CRKL: variants seen among roughly 807,000 people sequenced by gnomAD.
CRKL encodes the protein crk-like protein.
A neutral mutation model predicts 23.0 loss-of-function variants in CRKL; 3 were observed. The observed-to-expected ratio is 0.13, with a 90% confidence interval of 0.06 to 0.34. The LOEUF is 0.34. Among genes scored for constraint, CRKL ranks in the 10% least tolerant of loss-of-function variants. The pLI, the probability that CRKL is intolerant of heterozygous loss-of-function variation, is 1.00. For synonymous variants in CRKL, 188 were observed against 160.7 expected, an observed-to-expected ratio of 1.17 and a Z score of -1.28; for missense variants, 256 against 394.5, an observed-to-expected ratio of 0.65 and a Z score of 2.97.
In CRKL at chr22:20,917,897, C is replaced by T. The variant is rs1466780008; in HGVS notation, c.-38C>T. The T allele has an allele frequency of 3.8e-6, 6 of 1,590,988 alleles. No individual in the cohort carries two copies. The South Asian group carries it at 5.7e-5, about 15-fold the overall frequency. On this transcript the variant is annotated 5_prime_UTR_variant, in exon 1 of 3. Coordinates refer to ENST00000354336, the MANE Select transcript of CRKL (RefSeq NM_005207.4). ...GGCGTGCAGAGCAGGCGAGGACAGCCGCCGCCCCTACCGCCGCAGAGTCCC... is the reference window on the plus strand; with the variant it reads ...GGCGTGCAGAGCAGGCGAGGACAGCTGCCGCCCCTACCGCCGCAGAGTCCC...
chr22:20,917,831 G>A lies in CRKL; in HGVS notation c.-104G>A. 8.7e-7 allele frequency: 1 copy of A among 1,145,580 alleles called. No homozygotes were observed. Among genetic ancestry groups the A allele is most frequent in the Non-Finnish European group, 1.2e-6 (1 of 818,802 alleles). 71.0% of individuals were successfully genotyped at this position (1,145,580 alleles called of 1,614,324 possible). ...CCTCTGAGCGCTCCTCGAGGTGTGCGAGAGGCCCTTCCTCGGCCCCAAAGC... is the reference window on the plus strand; with the variant it reads ...CCTCTGAGCGCTCCTCGAGGTGTGCAAGAGGCCCTTCCTCGGCCCCAAAGC... On this transcript the variant is annotated 5_prime_UTR_variant, in exon 1 of 3. Coordinates refer to ENST00000354336, the MANE Select transcript of CRKL (RefSeq NM_005207.4).
At chr22:20,948,195 G>A (rs1314747423) in intron 2 of CRKL, among the ~76,000 whole-genome samples, 2 of 152,232 alleles carry the variant, frequency 1.3e-5, no homozygotes, top group Non-Finnish European at 2.9e-5. Context: ...GGCGTGAGGT[G>A]TGAGTGTTCT....
In CRKL at chr22:20,952,098, GA is replaced by G; in HGVS notation, c.*2254del. On this transcript the variant is annotated 3_prime_UTR_variant, in exon 3 of 3. Transcript: ENST00000354336. ...TTCATCCCGGCCCATGTTGAGCCATGAGTGGAGTTTCCAACAGAGGGAGGAA... is the reference window on the plus strand; with the variant it reads ...TTCATCCCGGCCCATGTTGAGCCATGGTGGAGTTTCCAACAGAGGGAGGAA... 8.8e-6 allele frequency: 2 copies of G among 226,854 alleles called. No homozygotes were observed. Among genetic ancestry groups the G allele is most frequent in the Non-Finnish European group, 8.7e-6 (1 of 115,016 alleles). 14.1% of individuals were successfully genotyped at this position (226,854 alleles called of 1,614,324 possible).
At position 20,934,182 on chromosome 22, in the gene CRKL, T is replaced by C. The variant is rs1469767752; in HGVS notation, c.715T>C (p.Phe239Leu). ...GCCATCCACACAGAATGGACCTGTC[T>C]TTGCGAAAGCAATCCAGAAAAGAGT... Reference protein sequence around the residue: ...PLPSTQNGPVFAKAIQKRVPC... With the variant: ...PLPSTQNGPVLAKAIQKRVPC... The change falls in exon 2 of 3, where the codon TTT becomes CTT. Residue 239 changes from phenylalanine (F) to leucine (L), a missense_variant. Physicochemically the swap from Phe to Leu is conservative, Grantham distance 22. This residue lies in a region of CRKL where 129 missense variants were observed against 222.1 expected (regional missense o/e 0.58). Coordinates refer to ENST00000354336, the MANE Select transcript of CRKL (RefSeq NM_005207.4). The C allele has an allele frequency of 1.2e-6, 2 of 1,614,122 alleles. No individual in the cohort carries two copies. The highest frequency in any genetic ancestry group is 2.7e-5 in the African/African-American group (2 of 74,948).
intron 1 of CRKL, among the ~76,000 whole-genome samples, chr22:20,921,943 A>T (rs1921008262): frequency 6.9e-6 from 1 of 145,490 alleles, no homozygotes; most frequent in African/African-American, 2.5e-5. Context: ...CTCCTAACCT[A>T]GTGATCCGCC....
intron 2 of CRKL, among the ~76,000 whole-genome samples, chr22:20,936,520 T>C (rs1921665779): frequency 6.6e-6 from 1 of 151,882 alleles, no homozygotes. Context: ...GGCTAATTTT[T>C]TTGTATTTTT....
At chr22:20,942,957 A>G (rs1475388933) in intron 2 of CRKL, among the ~76,000 whole-genome samples, 2 of 152,226 alleles carry the variant, frequency 1.3e-5, no homozygotes, top group Non-Finnish European at 2.9e-5. Flanking sequence ...TAGCAGCTGT[A>G]CCATATTCCA....
At chr22:20,936,001 A>T in intron 2 of CRKL, among the ~76,000 whole-genome samples, 1 of 152,188 alleles carries the variant, frequency 6.6e-6, no homozygotes, top group East Asian at 1.9e-4. Context: ...CTACCAAAAA[A>T]TACAAAAATG....
intron 1 of CRKL, among the ~76,000 whole-genome samples, chr22:20,924,727 T>C (rs1022722441): frequency 6.6e-6 from 1 of 152,016 alleles, no homozygotes; most frequent in Non-Finnish European, 1.5e-5. Flanking sequence ...TGGCGGCGTG[T>C]GCCTAAGAGG....
chr22:20,950,390 GT>G lies in CRKL; in HGVS notation c.*554del, dbSNP rs904188858. ...ACTAATTAATTAGACTTGTGTGGGG[GT>G]TTTTTTTTGTTTTGTTTTGTTTGTT... On this transcript the variant is annotated 3_prime_UTR_variant, in exon 3 of 3. Transcript: ENST00000354336. 1.3e-5 allele frequency: 3 copies of G among 230,420 alleles called. No individual in the cohort carries two copies. Among genetic ancestry groups the G allele is most frequent in the Non-Finnish European group, 2.6e-5 (3 of 116,816 alleles). 14.3% of individuals were successfully genotyped at this position (230,420 alleles called of 1,614,324 possible).
At chr22:20,934,957 G>GCACCCGCCAC (rs1921595427) in intron 2 of CRKL, among the ~76,000 whole-genome samples, 1 of 150,558 alleles carries the variant, frequency 6.6e-6, no homozygotes, top group Non-Finnish European at 1.5e-5. Context: ...GGAACGACAG[G>GCACCCGCCAC]CACCCGCCAC....
rs1292523311 is a variant in CRKL at position 20,951,128 on chromosome 22, G to A, written c.*1283G>A. 1.7e-5 allele frequency: 4 copies of A among 232,236 alleles called. No individual in the cohort carries two copies. Among genetic ancestry groups the A allele is most frequent in the Non-Finnish European group, 2.6e-5 (3 of 117,538 alleles). 14.4% of individuals were successfully genotyped at this position (232,236 alleles called of 1,614,324 possible). ...CAGACTTAAACTTCCTTAAAAAGTG[G>A]CGTTGTTCATAGAATCGTTGGACTC... On this transcript the variant is annotated 3_prime_UTR_variant, in exon 3 of 3. Coordinates refer to ENST00000354336, the MANE Select transcript of CRKL (RefSeq NM_005207.4).
intron 2 of CRKL, among the ~76,000 whole-genome samples, chr22:20,938,962 T>C (rs983191511): frequency 2.6e-5 from 4 of 152,166 alleles, no homozygotes; most frequent in Non-Finnish European, 5.9e-5. Flanking sequence ...CAAGTGAGAC[T>C]TAAAGTGATT....
intron 2 of CRKL, among the ~76,000 whole-genome samples, chr22:20,941,588 A>ATATATATATATTTT (rs1247116681): frequency 6.0e-5 from 2 of 33,554 alleles, no homozygotes; most frequent in African/African-American, 2.4e-4. Flanking sequence ...GTATATATAT[A>ATATATATATATTTT]TTTTTTTTTT....
intron 2 of CRKL, among the ~76,000 whole-genome samples, chr22:20,943,539 C>G (rs1921951690): frequency 6.6e-6 from 1 of 152,170 alleles, no homozygotes. Flanking sequence ...CATGCCTGAC[C>G]TTAGTTATTG....
chr22:20,946,085 A>T (rs1195148523), intron 2 of CRKL, among the ~76,000 whole-genome samples: 1 of 152,168 alleles, frequency 6.6e-6, no homozygotes, highest in Admixed American at 6.6e-5. Flanking sequence ...CTCAAGTTAG[A>T]ATTTATGATT....
At chr22:20,924,246 G>T (rs1051229015) in intron 1 of CRKL, among the ~76,000 whole-genome samples, 1 of 152,124 alleles carries the variant, frequency 6.6e-6, no homozygotes, top group Non-Finnish European at 1.5e-5. Context: ...TAATCTCCAT[G>T]CATGGTGAAA....
At position 20,933,825 on chromosome 22, in the gene CRKL, A is replaced by G. The variant is rs1451933601; in HGVS notation, c.358A>G (p.Thr120Ala). Reference sequence around the variant, plus strand: ...ATCTGTCTCAGCACCCAACCTGCCTACAGCAGAAGATAACCTGGAATATGT... The same window carrying G: ...ATCTGTCTCAGCACCCAACCTGCCTGCAGCAGAAGATAACCTGGAATATGT... The part of the protein sequence containing the change: ...MGSVSAPNLP[T>A]AEDNLEYVRT... Residue 120 changes from threonine to alanine, a missense_variant, in exon 2 of 3, where the codon ACA becomes GCA. Physicochemically the swap from Thr to Ala is moderately conservative, Grantham distance 58 (BLOSUM62 0). Coordinates refer to ENST00000354336, the MANE Select transcript of CRKL (RefSeq NM_005207.4). 5 of 1,614,194 alleles carry G rather than the reference A, an allele frequency of 3.1e-6. No individual in the cohort carries two copies. Among genetic ancestry groups the G allele is most frequent in the East Asian group, 2.2e-5 (1 of 44,892 alleles).
chr22:20,947,183 T>C (rs1318568518), intron 2 of CRKL, among the ~76,000 whole-genome samples: 15 of 152,082 alleles, frequency 9.9e-5, no homozygotes, highest in Admixed American at 6.6e-5. Flanking sequence ...CTCTGCAGCA[T>C]TGAGTTAATA....
Sources: gnomAD v4.1 joint callset for allele counts (sites outside exome capture counted in the v4.1 genomes callset) on GRCh38, gnomAD v4.1.1 for gene constraint, gnomAD v4.1.1 regional missense constraint, MANE v1.5 for transcripts, NCBI Gene and HGNC (gene_info 2026-07-23, HGNC 2026-07-21) for gene names.